Variants in LRRC37A2 observed in about 807,000 individuals in gnomAD.
LRRC37A2 encodes leucine-rich repeat-containing protein 37A2.
LRRC37A2 carries 9 observed loss-of-function variants against 68.8 expected under a neutral mutation model. The ratio of observed to expected loss-of-function variants is 0.13; its 90% confidence interval spans 0.08 to 0.23. LRRC37A2 has a LOEUF of 0.23. LRRC37A2 is among the 10% of genes least tolerant of loss of function. The probability of loss-of-function intolerance (pLI) is 1.00; values close to 1 mark genes in which losing one functional copy is unlikely to be tolerated. For missense variants in LRRC37A2, 168 were observed against 950.4 expected (o/e 0.18, Z 10.82); for synonymous variants, 63 against 367.6 (o/e 0.17, Z 9.48).
the LRRC37A2 span, among the ~76,000 whole-genome samples, chr17:47,032,648 C>T: frequency 1.3e-5 from 2 of 151,682 alleles, no homozygotes; most frequent in African/African-American, 2.4e-5. Context: ...TTATGCTCAC[C>T]GGTCAGTGCT....
chr17:46,721,530 A>G, the LRRC37A2 span: 1 of 1,137,590 alleles, frequency 8.8e-7, no homozygotes, highest in South Asian at 1.2e-5. Context: ...CTGACTATAC[A>G]TTCTTTTTCT....
the LRRC37A2 span, chr17:46,939,306 T>A: frequency 9.9e-7 from 1 of 1,014,012 alleles, no homozygotes; most frequent in Non-Finnish European, 1.2e-6. Context: ...TGCCAATACT[T>A]GTCACCATTC....
At chr17:46,884,015 T>C in the LRRC37A2 span, among the ~76,000 whole-genome samples, 1 of 152,126 alleles carries the variant, frequency 6.6e-6, no homozygotes, top group Admixed American at 6.5e-5. Context: ...CCTCCCGCCA[T>C]GGAGAGTGGG....
At chr17:46,712,821 A>G in the LRRC37A2 span, among the ~76,000 whole-genome samples, 1 of 152,196 alleles carries the variant, frequency 6.6e-6, no homozygotes, top group Admixed American at 6.5e-5. Flanking sequence ...ACCAGAGAGG[A>G]AAGGGGAAAG....
chr17:46,836,517 G>A, the LRRC37A2 span, among the ~76,000 whole-genome samples: 1 of 152,198 alleles, frequency 6.6e-6, no homozygotes, highest in East Asian at 1.9e-4. Flanking sequence ...ATGTCACATT[G>A]TAAATGTCGA....
chr17:46,939,419 C>A, the LRRC37A2 span: 1 of 993,430 alleles, frequency 1.0e-6, no homozygotes, highest in Non-Finnish European at 1.2e-6. Flanking sequence ...TAAAGTGAGG[C>A]CAGTGTTATT....
the LRRC37A2 span, among the ~76,000 whole-genome samples, chr17:46,984,778 C>T: frequency 2.0e-5 from 3 of 152,156 alleles, no homozygotes; most frequent in Non-Finnish European, 4.4e-5. Flanking sequence ...AAATTGTTCA[C>T]GTTTGTCAAT....
At chr17:46,767,779 T>C in the LRRC37A2 span, among the ~76,000 whole-genome samples, 1 of 152,040 alleles carries the variant, frequency 6.6e-6, no homozygotes, top group African/African-American at 2.4e-5. Context: ...TTTTGTTTTT[T>C]TTTGTTTGTT....
the LRRC37A2 span, among the ~76,000 whole-genome samples, chr17:46,771,049 G>A: frequency 6.6e-6 from 1 of 152,322 alleles, no homozygotes; most frequent in Admixed American, 6.5e-5. Flanking sequence ...GAAGCCAGGC[G>A]CCCGCCTCCC....
chr17:46,938,423 C>G, the LRRC37A2 span, among the ~76,000 whole-genome samples: 9 of 152,226 alleles, frequency 5.9e-5, no homozygotes, highest in African/African-American at 1.7e-4. Flanking sequence ...GTACCTTGAT[C>G]AAAAATCAGT....
At chr17:46,430,777 AT>A in the LRRC37A2 span, among the ~76,000 whole-genome samples, 2 of 82,570 alleles carry the variant, frequency 2.4e-5, no homozygotes, top group African/African-American at 6.4e-5. Context: ...ATAAATTGTA[AT>A]TTTTTTAACC....
the LRRC37A2 span, among the ~76,000 whole-genome samples, chr17:46,771,160 C>T: frequency 6.6e-6 from 1 of 152,236 alleles, no homozygotes; most frequent in African/African-American, 2.4e-5. Flanking sequence ...GCGCCACCTA[C>T]AGAGGGGCCC....
At chr17:46,942,735 G>A in the LRRC37A2 span, among the ~76,000 whole-genome samples, 292 of 152,368 alleles carry the variant, frequency 1.9e-3, 1 homozygote, top group African/African-American at 6.6e-3. Flanking sequence ...TCTGTGGCTA[G>A]TGGGCCCTGA....
chr17:46,772,717 G>T, the LRRC37A2 span, among the ~76,000 whole-genome samples: 1 of 152,182 alleles, frequency 6.6e-6, no homozygotes, highest in South Asian at 2.1e-4. Flanking sequence ...AGCACCTGAG[G>T]CACCGGTAAA....
the LRRC37A2 span, among the ~76,000 whole-genome samples, chr17:47,008,735 C>T: frequency 6.6e-6 from 1 of 151,976 alleles, no homozygotes; most frequent in East Asian, 1.9e-4. Flanking sequence ...GCCTTGGCCT[C>T]CCAAAGTGCT....
the LRRC37A2 span, among the ~76,000 whole-genome samples, chr17:46,831,817 C>G: frequency 2.0e-5 from 3 of 152,252 alleles, no homozygotes; most frequent in African/African-American, 7.2e-5. Flanking sequence ...AGTGTCCCTG[C>G]AGGTTGAAAC....
the LRRC37A2 span, among the ~76,000 whole-genome samples, chr17:46,858,974 T>A: frequency 1.0e-4 from 15 of 148,800 alleles, no homozygotes; most frequent in Admixed American, 1.0e-3. Context: ...ACTTATAATT[T>A]TAGCTTTTTT....
chr17:46,937,013 A>G, the LRRC37A2 span: 1 of 170,052 alleles, frequency 5.9e-6, no homozygotes, highest in Non-Finnish European at 1.2e-5. Flanking sequence ...TGCCATGCAT[A>G]TAAGTTGCAG....
chr17:46,890,970 C>T, the LRRC37A2 span, among the ~76,000 whole-genome samples: 1 of 152,192 alleles, frequency 6.6e-6, no homozygotes, highest in Non-Finnish European at 1.5e-5. Flanking sequence ...CCTATCACCA[C>T]TTGACAGTTG....
Sources: allele counts gnomAD v4.1 joint callset (sites outside exome capture counted in the v4.1 genomes callset), GRCh38; gene constraint gnomAD v4.1.1; transcripts MANE v1.5; gene names NCBI Gene and HGNC (gene_info 2026-07-23, HGNC 2026-07-21).